Variants in RUBCN observed in about 807,000 individuals in gnomAD.
RUBCN encodes the protein rubicon autophagy regulator, also known as run domain Beclin-1-interacting and cysteine-rich domain-containing protein.
RUBCN carries 74 observed loss-of-function variants against 113.2 expected under a neutral mutation model. That is an observed-to-expected ratio of 0.65 (90% CI 0.54 to 0.79). The LOEUF (loss-of-function observed/expected upper bound fraction) is 0.79, where lower values mean the gene tolerates loss of function less well. Ranked by LOEUF, RUBCN falls within the 30% of genes least tolerant of loss-of-function variation. RUBCN has a pLI of 0.00. For missense variants in RUBCN, 1,109 were observed against 1,251.7 expected, an observed-to-expected ratio of 0.89 and a Z score of 1.72; for synonymous variants, 480 against 490.0, an observed-to-expected ratio of 0.98 and a Z score of 0.27.
intron 1 of RUBCN, among the ~76,000 whole-genome samples, chr3:197,731,535 T>C (rs890035216): frequency 8.6e-5 from 13 of 152,000 alleles, no homozygotes; most frequent in East Asian, 3.9e-4. Context: ...GGGTGGTGGC[T>C]GGGCAGAGGG....
At chr3:197,698,844 A>G (rs1446118927) in intron 7 of RUBCN, among the ~76,000 whole-genome samples, 1 of 150,848 alleles carries the variant, frequency 6.6e-6, no homozygotes, top group Non-Finnish European at 1.5e-5. Context: ...AAAAAAAAAA[A>G]AAAAAAGTAA....
chr3:197,675,434 G>C lies in RUBCN; in HGVS notation c.2728C>G (p.Arg910Gly). ...IIFPFELHKC[R>G]TCEECKACYH... ...CACCTGCCCTCACCTTCACAGGTCCGGCACTTATGGAGCTCAAAGGGAAAG... is the reference window on the plus strand; with the variant it reads ...CACCTGCCCTCACCTTCACAGGTCCCGCACTTATGGAGCTCAAAGGGAAAG... The change falls in exon 19 of 20, where the codon CGG (arginine) becomes GGG (glycine). Residue 910 changes from arginine (R) to glycine (G), a missense_variant. Coordinates refer to ENST00000296343, the MANE Select transcript of RUBCN (RefSeq NM_014687.4). The surrounding 1 kb of genome is among the most constrained non-coding windows in gnomAD (Gnocchi z 4.4). The C allele has an allele frequency of 6.2e-7, 1 of 1,613,556 alleles. No homozygotes were observed. The highest frequency in any genetic ancestry group is 8.5e-7 in the Non-Finnish European group (1 of 1,179,694).
rs768889968 is a variant in RUBCN at position 197,704,566 on chromosome 3, G to C, written c.439C>G (p.Gln147Glu). Reference protein sequence around the residue: ...AQLRPLLGDRQYIRKFYTDAA... With the variant: ...AQLRPLLGDREYIRKFYTDAA... ...CCTGTGTAGAATTTTCTGATATACT[G>C]TCTATCCCCGAGCAGGGGCCGGAGC... The change falls in exon 4 of 20, where the codon CAG (glutamine) becomes GAG (glutamate). Residue 147 changes from glutamine (Q) to glutamate (E), a missense_variant. Around this residue, in one of 3 missense-constraint regions of RUBCN, gnomAD observed 736 missense variants for 779.6 expected, o/e 0.94. Coordinates refer to ENST00000296343, the MANE Select transcript of RUBCN (RefSeq NM_014687.4). 46 of 1,614,072 alleles carry C rather than the reference G, an allele frequency of 2.8e-5. No homozygotes were observed. Among genetic ancestry groups the C allele is most frequent in the Non-Finnish European group, 3.7e-5 (44 of 1,180,018 alleles).
intron 18 of RUBCN, chr3:197,676,358 G>C: frequency 1.0e-6 from 1 of 1,003,998 alleles, no homozygotes; most frequent in Non-Finnish European, 1.2e-6. Context: ...TTGTCGCTCA[G>C]GCTGGAGTGC....
Position 197,674,896 on chromosome 3 carries a change from GATGATGATAATTAAAAAAAAAAAAAAAAA to G in RUBCN, c.*93_*121del. On this transcript the variant is annotated 3_prime_UTR_variant, in exon 20 of 20. Transcript: ENST00000296343. ...ACAAGTCAGTAAAAAAAAAAAAAAA[GATGATGATAATTAAAAAAAAAAAAAAAAA>G]AAGAAGCCCCAGGTGGGGCGAGTCC... 1.5e-6 allele frequency: 1 copy of G among 674,732 alleles called. No individual in the cohort carries two copies. The highest frequency in any genetic ancestry group is 2.2e-6 in the Non-Finnish European group (1 of 447,256). 41.8% of individuals were successfully genotyped at this position (674,732 alleles called of 1,614,324 possible). A position where few individuals can be genotyped will look rare whatever the true frequency, so the allele number is the denominator to read the frequency against.
intron 1 of RUBCN, among the ~76,000 whole-genome samples, chr3:197,719,807 T>TA (rs1221452643): frequency 6.6e-6 from 1 of 152,212 alleles, no homozygotes; most frequent in Non-Finnish European, 1.5e-5. Context: ...GTCACCTTTT[T>TA]AAAAAATTTT....
chr3:197,746,261 G>A (rs769154740), intron 1 of RUBCN, among the ~76,000 whole-genome samples: 7 of 152,298 alleles, frequency 4.6e-5, no homozygotes, highest in Middle Eastern at 3.4e-3. Context: ...AAAGTGAGGA[G>A]GCCAAGATTT....
At chr3:197,739,664 A>C (rs553546720), upstream of RUBCN, among the ~76,000 whole-genome samples, 16 of 152,086 alleles carry the variant, frequency 1.1e-4, no homozygotes, top group Admixed American at 5.2e-4. Context: ...ACGCCACTGC[A>C]CTCCAGCCTG....
At chr3:197,708,916 T>C (rs941203121) in intron 2 of RUBCN, among the ~76,000 whole-genome samples, 1 of 152,142 alleles carries the variant, frequency 6.6e-6, no homozygotes, top group Non-Finnish European at 1.5e-5. Flanking sequence ...TTTCAGAAGT[T>C]AGGGGAAAAA....
intron 11 of RUBCN, among the ~76,000 whole-genome samples, chr3:197,686,218 T>C (rs1721817815): frequency 6.6e-6 from 1 of 152,158 alleles, no homozygotes; most frequent in South Asian, 2.1e-4. Flanking sequence ...TAAAACTATT[T>C]AGCAGTTCTG....
At position 197,700,918 on chromosome 3, in the gene RUBCN, C is replaced by G. The variant is rs1169373220; in HGVS notation, c.956G>C (p.Ser319Thr). Residue 319 changes from serine (S) to threonine (T), a missense_variant, in exon 7 of 20, where the codon AGT becomes ACT. By Grantham distance (58) the Ser-to-Thr change is moderately conservative. This residue lies in a region of RUBCN where 736 missense variants were observed against 779.6 expected (regional missense o/e 0.94). Transcript: ENST00000296343. ...SSQNDSPGDA[S>T]EGPEYLAIGN... ...AATGGCCAGGTACTCAGGCCCCTCA[C>G]TGGCATCACCTGGGGAATCATTCTG... The G allele has an allele frequency of 5.0e-6, 8 of 1,614,226 alleles. No individual in the cohort carries two copies. Among genetic ancestry groups the G allele is most frequent in the Non-Finnish European group, 6.8e-6 (8 of 1,180,048 alleles).
At chr3:197,695,471 C>A (rs1189932099) in intron 9 of RUBCN, among the ~76,000 whole-genome samples, 1 of 152,150 alleles carries the variant, frequency 6.6e-6, no homozygotes, top group East Asian at 1.9e-4. Flanking sequence ...TGTGGTGGTG[C>A]ATGTTTGTAG....
chr3:197,715,738 CT>C (rs1406274485), intron 2 of RUBCN, among the ~76,000 whole-genome samples: 2 of 152,238 alleles, frequency 1.3e-5, no homozygotes, highest in Non-Finnish European at 2.9e-5. Context: ...TACCTATTAA[CT>C]ACTCGTGTCG....
chr3:197,691,173 G>C (rs1183580278), intron 11 of RUBCN: 1 of 1,158,120 alleles, frequency 8.6e-7, no homozygotes, highest in Admixed American at 2.3e-5. Flanking sequence ...TGATAAAAGG[G>C]GGCCCTTAGT....
intron 7 of RUBCN, among the ~76,000 whole-genome samples, chr3:197,697,691 A>G (rs1723167933): frequency 6.6e-6 from 1 of 152,230 alleles, no homozygotes; most frequent in African/African-American, 2.4e-5. Flanking sequence ...GAGGGAGAAC[A>G]GTAGCAGGCA....
At chr3:197,702,461 G>A (rs1339169961) in intron 5 of RUBCN, among the ~76,000 whole-genome samples, 3 of 152,134 alleles carry the variant, frequency 2.0e-5, no homozygotes, top group African/African-American at 7.2e-5. Context: ...TCAGGAGATC[G>A]AGACCAGCCT....
rs1239174469 is a variant in RUBCN at position 197,670,731 on chromosome 3, G to A, written c.*4287C>T. ...ATATGAAGATTTTTAAATATGTAGG[G>A]TGTGTTTACAGCATATAAATATCAT... On this transcript the variant is annotated 3_prime_UTR_variant, in exon 20 of 20. Transcript: ENST00000296343. 1.3e-5 allele frequency among the ~76,000 whole-genome samples: 2 copies of A among 152,194 alleles called. No homozygotes were observed. Among genetic ancestry groups the A allele is most frequent in the African/African-American group, 4.8e-5 (2 of 41,436 alleles).
At chr3:197,701,204 G>A (rs1236542070) in intron 6 of RUBCN, 58 bp from the exon 7 acceptor site, 1 of 1,402,834 alleles carries the variant, frequency 7.1e-7, no homozygotes, top group Non-Finnish European at 9.6e-7. Context: ...CCTGCAGTAT[G>A]TATGAAGGAC....
rs757612716 is a variant in RUBCN at position 197,677,037 on chromosome 3, G to A, written c.2494C>T (p.Leu832Phe). The A allele has an allele frequency of 2.5e-6, 4 of 1,613,354 alleles. No homozygotes were observed. In the South Asian group the frequency reaches 3.3e-5, roughly 13 times the overall value. The change falls in exon 18 of 20, where the codon CTT becomes TTT. Residue 832 changes from leucine (L) to phenylalanine (F), a missense_variant and splice_region_variant. By Grantham distance (22) the Leu-to-Phe change is conservative (BLOSUM62 0). Transcript: ENST00000296343. The part of the protein sequence containing the change: ...MFKTCRLAKE[L>F]LDSFDTVPGH... ...GGGACTGTGTCAAAGGAATCCAGAA[G>A]CCTACAGGGAGTGACAGGAGGCAGG...
Sources: allele counts gnomAD v4.1 joint callset (sites outside exome capture counted in the v4.1 genomes callset), GRCh38; gene constraint gnomAD v4.1.1; regional missense constraint gnomAD v4.1.1; non-coding constraint Gnocchi (gnomAD v3.1); transcripts MANE v1.5; gene names NCBI Gene and HGNC (gene_info 2026-07-23, HGNC 2026-07-21).